The following ERBB4 variants were observed in gnomAD, a reference collection of about 807,000 sequenced individuals.
The protein encoded by ERBB4 is erb-b2 receptor tyrosine kinase 4, also known as receptor tyrosine-protein kinase erbB-4.
A neutral mutation model predicts 158.0 loss-of-function variants in ERBB4; 42 were observed. The ratio of observed to expected loss-of-function variants is 0.27; its 90% confidence interval spans 0.21 to 0.34. The LOEUF (loss-of-function observed/expected upper bound fraction) is 0.34. Ranked by LOEUF, ERBB4 falls within the 10% of genes least tolerant of loss-of-function variation. The probability of loss-of-function intolerance (pLI) is 1.00; values close to 1 mark genes in which losing one functional copy is unlikely to be tolerated. For missense variants in ERBB4, 1,333 were observed against 1,624.1 expected (o/e 0.82, Z 3.08); for synonymous variants, 583 against 558.7 (o/e 1.04, Z -0.61).
intron 20 of ERBB4, among the ~76,000 whole-genome samples, chr2:211,539,809 C>A (rs1444930989): frequency 2.0e-5 from 3 of 151,946 alleles, no homozygotes; most frequent in Non-Finnish European, 4.4e-5. Context: ...TGTATCACGT[C>A]TTAATGTTCC....
chr2:212,413,991 GT>G (rs968906499), intron 1 of ERBB4, among the ~76,000 whole-genome samples: 2 of 152,116 alleles, frequency 1.3e-5, no homozygotes, highest in Admixed American at 1.3e-4. Context: ...TAAAATGCTG[GT>G]TTACAACTTT....
At chr2:212,190,536 C>CA (rs11362884) in intron 1 of ERBB4, among the ~76,000 whole-genome samples, 238 of 129,100 alleles carry the variant, frequency 1.8e-3, no homozygotes, top group African/African-American at 5.5e-3. Flanking sequence ...GACTCCGTCT[C>CA]AAAAAAAAAA....
intron 1 of ERBB4, among the ~76,000 whole-genome samples, chr2:212,241,514 A>G (rs2084105328): frequency 6.6e-6 from 1 of 152,204 alleles, no homozygotes; most frequent in Non-Finnish European, 1.5e-5. Flanking sequence ...GATTGTTAAT[A>G]TTAGCTATTA....
intron 4 of ERBB4, among the ~76,000 whole-genome samples, chr2:211,774,226 T>G (rs1230073916): frequency 6.6e-6 from 1 of 151,786 alleles, no homozygotes; most frequent in East Asian, 1.9e-4. Flanking sequence ...GCACCTGCCA[T>G]CATGCCCGAC....
chr2:211,511,873 C>T (rs1455306043), intron 20 of ERBB4, among the ~76,000 whole-genome samples: 2 of 151,998 alleles, frequency 1.3e-5, no homozygotes, highest in Admixed American at 1.3e-4. Flanking sequence ...ATCCATAATC[C>T]TTTAAAATGG....
intron 1 of ERBB4, among the ~76,000 whole-genome samples, chr2:212,511,784 G>C (rs1691533830): frequency 6.7e-6 from 1 of 149,916 alleles, no homozygotes; most frequent in Non-Finnish European, 1.5e-5. Context: ...CATAAACGTG[G>C]CTTAAAAATT....
intron 3 of ERBB4, among the ~76,000 whole-genome samples, chr2:211,892,036 A>C (rs1250384300): frequency 1.6e-5 from 2 of 125,056 alleles, no homozygotes; most frequent in Non-Finnish European, 3.3e-5. Context: ...AAAAAGAGGG[A>C]ATCCTCCCTA....
chr2:211,764,750 G>C, intron 4 of ERBB4, among the ~76,000 whole-genome samples: 1 of 151,620 alleles, frequency 6.6e-6, no homozygotes, highest in East Asian at 2.0e-4. Context: ...ACAAAGGAGG[G>C]AAGAGCACCC....
chr2:211,500,070 A>G (rs4672616), intron 20 of ERBB4, among the ~76,000 whole-genome samples: 22,056 of 152,142 alleles, frequency 0.14, 2,148 homozygotes, highest in East Asian at 0.38. Flanking sequence ...TGAAAGTGTG[A>G]AGTGAGACTG....
At chr2:211,741,390 A>C (rs2074790092) in intron 5 of ERBB4, among the ~76,000 whole-genome samples, 1 of 151,320 alleles carries the variant, frequency 6.6e-6, no homozygotes, top group South Asian at 2.1e-4. Context: ...ACAACACCCC[A>C]CAGTTTCCAT....
intron 2 of ERBB4, among the ~76,000 whole-genome samples, chr2:212,095,555 G>A (rs2078902746): frequency 6.6e-6 from 1 of 152,162 alleles, no homozygotes. Flanking sequence ...CAGAGAAAAA[G>A]GCTTGTGACT....
At chr2:211,660,279 C>G (rs565765521) in intron 15 of ERBB4, among the ~76,000 whole-genome samples, 1 of 152,144 alleles carries the variant, frequency 6.6e-6, no homozygotes, top group South Asian at 2.1e-4. Flanking sequence ...GCAGCCAGGC[C>G]GACTCATTTG....
At chr2:212,040,353 CACTT>C (rs1385050276) in intron 2 of ERBB4, among the ~76,000 whole-genome samples, 1 of 151,490 alleles carries the variant, frequency 6.6e-6, no homozygotes, top group Admixed American at 6.6e-5. Context: ...AGAAAGAAAA[CACTT>C]ATATATTTTT....
Position 211,787,947 on chromosome 2 carries a change from T to C in ERBB4, c.556+78A>G. ...CAATCAAAGTTCAAAATATTAGTAA[T>C]GACATAATAAGCATAACTCATTCAT... On this transcript the variant is annotated intron_variant, in intron 4 of 27. Coordinates refer to ENST00000342788, the MANE Select transcript of ERBB4 (RefSeq NM_005235.3). The C allele has an allele frequency of 4.3e-6, 6 of 1,411,018 alleles. 1 individual carries two copies. Among genetic ancestry groups the C allele is most frequent in the East Asian group, 4.6e-5 (2 of 43,710 alleles). The allele number at this position is 1,411,018 out of a possible 1,614,324, so 87.4% of individuals were successfully genotyped here.
chr2:211,678,543 A>T (rs1386761594), intron 13 of ERBB4, among the ~76,000 whole-genome samples: 2 of 152,232 alleles, frequency 1.3e-5, no homozygotes, highest in African/African-American at 4.8e-5. Flanking sequence ...TAAACTATGT[A>T]TTTGAACTCA....
At chr2:211,828,524 G>T (rs1044549359) in intron 3 of ERBB4, among the ~76,000 whole-genome samples, 1 of 152,028 alleles carries the variant, frequency 6.6e-6, no homozygotes, top group African/African-American at 2.4e-5. Flanking sequence ...ATTTAATCAG[G>T]TGAACAACAA....
At chr2:211,490,149 T>C (rs974504892) in intron 20 of ERBB4, among the ~76,000 whole-genome samples, 69 of 152,198 alleles carry the variant, frequency 4.5e-4, no homozygotes, top group African/African-American at 1.6e-3. Flanking sequence ...TTTCCTAAAA[T>C]ATGCCCATTC....
At chr2:211,658,884 T>G (rs2071317105) in intron 15 of ERBB4, among the ~76,000 whole-genome samples, 1 of 152,154 alleles carries the variant, frequency 6.6e-6, no homozygotes, top group African/African-American at 2.4e-5. Context: ...CATCTTCCAA[T>G]ATACTCGAAC....
chr2:212,305,283 G>A (rs941440879), intron 1 of ERBB4, among the ~76,000 whole-genome samples: 1 of 151,288 alleles, frequency 6.6e-6, no homozygotes, highest in Non-Finnish European at 1.5e-5. Flanking sequence ...CAGTATTAAT[G>A]TATGCTGTTT....
Sources: gnomAD v4.1 joint callset for allele counts (sites outside exome capture counted in the v4.1 genomes callset) on GRCh38, gnomAD v4.1.1 for gene constraint, MANE v1.5 for transcripts, NCBI Gene and HGNC (gene_info 2026-07-23, HGNC 2026-07-21) for gene names.